Variants in TNFSF4 observed in about 807,000 individuals in gnomAD.
The protein encoded by TNFSF4 is tumor necrosis factor ligand superfamily member 4.
In TNFSF4, 4 loss-of-function variants were observed where a neutral mutation model predicts 7.3. The observed-to-expected ratio is 0.55, with a 90% CI of 0.27 to 1.25. The LOEUF (loss-of-function observed/expected upper bound fraction) is 1.25. Ranked by LOEUF, TNFSF4 falls within the 50% of genes most tolerant of loss-of-function variation. The probability of loss-of-function intolerance (pLI) is 0.12; values close to 1 mark genes in which losing one functional copy is unlikely to be tolerated. For missense variants in TNFSF4, 181 were observed against 208.8 expected (o/e 0.87, Z 0.82); for synonymous variants, 76 against 83.7 (o/e 0.91, Z 0.50).
At chr1:173,362,684 T>C in the TNFSF4 span, 2 of 414,908 alleles carry the variant, frequency 4.8e-6, no homozygotes, top group Admixed American at 6.0e-5. Flanking sequence ...TGACAATTCC[T>C]CATTAATGCT....
chr1:173,285,051 T>G, the TNFSF4 span, among the ~76,000 whole-genome samples: 4 of 152,224 alleles, frequency 2.6e-5, no homozygotes, highest in Non-Finnish European at 4.4e-5. Flanking sequence ...TTGAAAACTT[T>G]CTGGAAAGGA....
the TNFSF4 span, among the ~76,000 whole-genome samples, chr1:173,376,111 G>A: frequency 1.3e-5 from 2 of 152,104 alleles, no homozygotes; most frequent in African/African-American, 2.4e-5. Flanking sequence ...AACCTTCTAG[G>A]GATGTTTTAT....
At chr1:173,385,698 G>T in the TNFSF4 span, among the ~76,000 whole-genome samples, 1 of 152,286 alleles carries the variant, frequency 6.6e-6, no homozygotes, top group East Asian at 1.9e-4. Flanking sequence ...AATTAGCCAG[G>T]TGTGGTGGCA....
At chr1:173,173,543 G>T in the TNFSF4 span, among the ~76,000 whole-genome samples, 1 of 152,216 alleles carries the variant, frequency 6.6e-6, no homozygotes, top group Non-Finnish European at 1.5e-5. Flanking sequence ...CTCCACCCCT[G>T]CAGCAAACTT....
the TNFSF4 span, among the ~76,000 whole-genome samples, chr1:173,355,964 C>G: frequency 3.3e-5 from 5 of 152,182 alleles, no homozygotes; most frequent in Non-Finnish European, 5.9e-5. Flanking sequence ...TAAAGACATT[C>G]AATTCAAAAT....
chr1:173,183,234 C>CAGAAAG (rs10644515), downstream of TNFSF4, among the ~76,000 whole-genome samples: 64,371 of 151,210 alleles, frequency 0.43, 16,678 homozygotes, highest in African/African-American at 0.73. Flanking sequence ...AGGCAGAGAA[C>CAGAAAG]AGAAAGAGAA....
chr1:173,311,525 G>T, the TNFSF4 span, among the ~76,000 whole-genome samples: 1 of 151,978 alleles, frequency 6.6e-6, no homozygotes, highest in Non-Finnish European at 1.5e-5. Flanking sequence ...CCTCATTGGA[G>T]AGGGCATGAC....
the TNFSF4 span, among the ~76,000 whole-genome samples, chr1:173,438,241 AAAAT>A: frequency 2.6e-5 from 4 of 152,312 alleles, no homozygotes; most frequent in Admixed American, 6.5e-5. Flanking sequence ...CAACATGAAA[AAAAT>A]AAATAAATAC....
the TNFSF4 span, among the ~76,000 whole-genome samples, chr1:173,358,041 G>A: frequency 1.9e-3 from 2 of 1,066 alleles, no homozygotes; most frequent in African/African-American, 2.6e-3. Flanking sequence ...TAAGGATTTT[G>A]AGATGGGGGG....
chr1:173,374,162 A>G, the TNFSF4 span, among the ~76,000 whole-genome samples: 6 of 152,308 alleles, frequency 3.9e-5, no homozygotes, highest in East Asian at 9.6e-4. Context: ...TATATGGGTG[A>G]CTTTTTCTCA....
At chr1:173,261,873 C>G in the TNFSF4 span, among the ~76,000 whole-genome samples, 10 of 151,940 alleles carry the variant, frequency 6.6e-5, no homozygotes, top group African/African-American at 2.4e-4. Flanking sequence ...CAAGACCAGA[C>G]AGATTTACAG....
chr1:173,430,711 C>G, the TNFSF4 span, among the ~76,000 whole-genome samples: 1 of 152,160 alleles, frequency 6.6e-6, no homozygotes, highest in African/African-American at 2.4e-5. Flanking sequence ...TCTGTCTGCA[C>G]AAATAATTGT....
the TNFSF4 span, among the ~76,000 whole-genome samples, chr1:173,173,753 A>C: frequency 6.6e-6 from 1 of 152,218 alleles, no homozygotes; most frequent in African/African-American, 2.4e-5. Flanking sequence ...AGCAGCTGGG[A>C]CACAGGGCAC....
At chr1:173,372,801 G>A in the TNFSF4 span, among the ~76,000 whole-genome samples, 1 of 152,210 alleles carries the variant, frequency 6.6e-6, no homozygotes, top group African/African-American at 2.4e-5. Flanking sequence ...TCTCCCAGAG[G>A]ATGGGGAACC....
At chr1:173,276,178 CA>C in the TNFSF4 span, among the ~76,000 whole-genome samples, 1 of 152,094 alleles carries the variant, frequency 6.6e-6, no homozygotes, top group African/African-American at 2.4e-5. Context: ...AGACAAACAA[CA>C]GAGAAGACCG....
chr1:173,181,135 A>G (rs766833066), downstream of TNFSF4, among the ~76,000 whole-genome samples: 6 of 152,230 alleles, frequency 3.9e-5, no homozygotes, highest in Non-Finnish European at 4.4e-5. Context: ...TATCCTAAAA[A>G]TTACTTAAAG....
At chr1:173,242,744 A>G in the TNFSF4 span, among the ~76,000 whole-genome samples, 1 of 152,114 alleles carries the variant, frequency 6.6e-6, no homozygotes, top group Non-Finnish European at 1.5e-5. Flanking sequence ...GGGAGGAACC[A>G]TGAGCCACTG....
At chr1:173,411,144 A>G in the TNFSF4 span, among the ~76,000 whole-genome samples, 1 of 152,198 alleles carries the variant, frequency 6.6e-6, no homozygotes, top group African/African-American at 2.4e-5. Context: ...CCCATGGTCA[A>G]AGGAAGAAAG....
the TNFSF4 span, among the ~76,000 whole-genome samples, chr1:173,262,439 C>G: frequency 6.6e-6 from 1 of 152,080 alleles, no homozygotes; most frequent in Non-Finnish European, 1.5e-5. Flanking sequence ...GATGCCTCCT[C>G]TCACCACTCC....
Sources: allele counts gnomAD v4.1 joint callset (sites outside exome capture counted in the v4.1 genomes callset), GRCh38; gene constraint gnomAD v4.1.1; transcripts MANE v1.5; gene names NCBI Gene and HGNC (gene_info 2026-07-23, HGNC 2026-07-21).